LDLRAD3: variants seen among roughly 807,000 people sequenced by gnomAD.
The protein encoded by LDLRAD3 is low density lipoprotein receptor class A domain containing 3.
In LDLRAD3, 20 loss-of-function variants were observed where a neutral mutation model predicts 29.4. That is an observed-to-expected ratio of 0.68 (90% confidence interval 0.48 to 0.99). The LOEUF (loss-of-function observed/expected upper bound fraction) is 0.99. Among genes scored for constraint, LDLRAD3 ranks in the 50% least tolerant of loss-of-function variants. LDLRAD3 has a pLI of 0.00. For missense variants in LDLRAD3, 420 were observed against 454.3 expected (o/e 0.92, Z 0.69); for synonymous variants, 157 against 192.7 (o/e 0.81, Z 1.53).
At chr11:36,079,517 A>G (rs1853076272) in intron 2 of LDLRAD3, among the ~76,000 whole-genome samples, 1 of 152,184 alleles carries the variant, frequency 6.6e-6, no homozygotes, top group South Asian at 2.1e-4. Context: ...ATCACCTCCA[A>G]TTTACTGATA....
chr11:36,132,347 CTGTG>C (rs749983745), intron 4 of LDLRAD3, among the ~76,000 whole-genome samples: 1 of 151,862 alleles, frequency 6.6e-6, no homozygotes, highest in South Asian at 2.1e-4. Flanking sequence ...AAACGTGTGA[CTGTG>C]TGTGTGTGTA....
rs574878309 is a variant in LDLRAD3, at chr11:35,962,839, C to T, written c.46+18695C>T. 5.9e-5 allele frequency among the ~76,000 whole-genome samples: 9 copies of T among 152,138 alleles called. No homozygotes were observed. The South Asian group carries it at 8.3e-4, about 14-fold the overall frequency. ...TTCAGAACTCAACGTGGGTGGGGAA[C>T]GAAACAGAGGGTAAAAAGACTGGCT... On this transcript the variant is annotated intron_variant, in intron 1 of 5. Transcript: ENST00000315571.
rs529664779 is a variant in LDLRAD3, at chr11:36,116,243, C to G, written c.454+17782C>G. Among the ~76,000 whole-genome samples the G allele has an allele frequency of 2.2e-3, 328 of 152,336 alleles. 4 individuals are homozygous for G. The highest frequency in any genetic ancestry group is 3.7e-3 in the Non-Finnish European group (252 of 68,028). On this transcript the variant is annotated intron_variant, in intron 4 of 5. Transcript: ENST00000315571. ...TTCGAAAAACACCAAATTGAAGAAC[C>G]AGATGGGTTCCCCAGTGTACTCTGT...
chr11:35,984,752 C>T (rs547608569), intron 1 of LDLRAD3, among the ~76,000 whole-genome samples: 14 of 152,298 alleles, frequency 9.2e-5, no homozygotes, highest in African/African-American at 3.4e-4. Context: ...CTGCCTCAGC[C>T]TCCCGAGTAG....
At chr11:36,144,392 C>T (rs1854138036) in intron 4 of LDLRAD3, among the ~76,000 whole-genome samples, 1 of 141,022 alleles carries the variant, frequency 7.1e-6, no homozygotes, top group Admixed American at 7.0e-5. Flanking sequence ...GGCCGCCCAT[C>T]ATCTGGGATG....
intron 4 of LDLRAD3, among the ~76,000 whole-genome samples, chr11:36,180,800 C>A (rs973880201): frequency 6.6e-6 from 1 of 151,940 alleles, no homozygotes; most frequent in Non-Finnish European, 1.5e-5. Flanking sequence ...CCAGCGTGTG[C>A]CAATTGGTGT....
chr11:36,145,046 G>A (rs1361702755), intron 4 of LDLRAD3, among the ~76,000 whole-genome samples: 13 of 99,712 alleles, frequency 1.3e-4, no homozygotes, highest in East Asian at 4.5e-4. Context: ...CTGCCCGGCC[G>A]CCTCTACTGG....
At chr11:36,054,485 A>T (rs1411754592) in intron 2 of LDLRAD3, among the ~76,000 whole-genome samples, 1 of 152,260 alleles carries the variant, frequency 6.6e-6, no homozygotes, top group Non-Finnish European at 1.5e-5. Context: ...AACCTAGAGC[A>T]TGGGGTTTTA....
chr11:36,056,845 C>T (rs1346216416), intron 2 of LDLRAD3, among the ~76,000 whole-genome samples: 1 of 152,122 alleles, frequency 6.6e-6, no homozygotes, highest in Non-Finnish European at 1.5e-5. Context: ...GATACCTCTC[C>T]CTTCACTCCC....
chr11:36,144,848 G>A (rs1395497297), intron 4 of LDLRAD3, among the ~76,000 whole-genome samples: 1 of 114,334 alleles, frequency 8.7e-6, no homozygotes, highest in Non-Finnish European at 1.9e-5. Context: ...GTCCGGGAGG[G>A]AGGTGGGGGG....
chr11:36,089,883 A>T (rs978694012), intron 3 of LDLRAD3, among the ~76,000 whole-genome samples: 3 of 151,134 alleles, frequency 2.0e-5, no homozygotes, highest in African/African-American at 7.3e-5. Context: ...AAGTGCTGGG[A>T]CTACAGGCTT....
At chr11:35,988,648 A>G (rs1255868896) in intron 1 of LDLRAD3, among the ~76,000 whole-genome samples, 1 of 149,544 alleles carries the variant, frequency 6.7e-6, no homozygotes, top group East Asian at 2.0e-4. Context: ...CAGTGGTGCG[A>G]TCTTGGCCCA....
At position 36,055,955 on chromosome 11, in the gene LDLRAD3, T is replaced by G. The variant is rs910277243; in HGVS notation, c.193+19706T>G. ...AAATGGTAGAGACTCTAAGTGAGCA[T>G]GTAGTGTAGGGGTTCTGGGGTCAGA... On this transcript the variant is annotated intron_variant, in intron 2 of 5. Transcript: ENST00000315571. Among the ~76,000 whole-genome samples, 7 of 150,364 alleles carry G rather than the reference T, an allele frequency of 4.7e-5. No homozygotes were observed. In the South Asian group the frequency reaches 1.1e-3, roughly 23 times the overall value.
intron 1 of LDLRAD3, among the ~76,000 whole-genome samples, chr11:36,027,337 C>T (rs1852180353): frequency 6.6e-6 from 1 of 152,170 alleles, no homozygotes; most frequent in Non-Finnish European, 1.5e-5. Flanking sequence ...TACTGGGCTG[C>T]TTGTATTTTC....
intron 4 of LDLRAD3, among the ~76,000 whole-genome samples, chr11:36,148,888 G>C (rs1264141499): frequency 6.6e-6 from 1 of 152,206 alleles, no homozygotes; most frequent in Non-Finnish European, 1.5e-5. Context: ...CAGTTTGAAG[G>C]TTTTGTAACA....
intron 2 of LDLRAD3, among the ~76,000 whole-genome samples, chr11:36,071,547 A>G (rs960994168): frequency 2.0e-5 from 3 of 152,368 alleles, no homozygotes; most frequent in Middle Eastern, 3.4e-3. Flanking sequence ...ATTAAAAATG[A>G]TGATGTGTAC....
intron 4 of LDLRAD3, among the ~76,000 whole-genome samples, chr11:36,223,991 A>G (rs1855464334): frequency 6.6e-6 from 1 of 151,456 alleles, no homozygotes; most frequent in Non-Finnish European, 1.5e-5. Context: ...AATAATGTGT[A>G]TGAATGTTAA....
Position 35,968,360 on chromosome 11 carries a change from G to A in LDLRAD3, c.46+24216G>A, listed in dbSNP as rs555031983. On this transcript the variant is annotated intron_variant, in intron 1 of 5. Transcript: ENST00000315571. ...TTGGAGAAATAACGTCTGGCTCAGCGGGCTTTTGGGAGTAGAGGGGCTGGC... is the reference window on the plus strand; with the variant it reads ...TTGGAGAAATAACGTCTGGCTCAGCAGGCTTTTGGGAGTAGAGGGGCTGGC... 41 of 363,794 alleles carry A rather than the reference G, an allele frequency of 1.1e-4. 1 individual carries two copies. The highest frequency in any genetic ancestry group is 7.6e-4 in the South Asian group (28 of 36,992). 22.5% of individuals were successfully genotyped at this position (363,794 alleles called of 1,614,324 possible).
At chr11:36,076,232 C>G (rs1183386921) in intron 2 of LDLRAD3, among the ~76,000 whole-genome samples, 1 of 151,736 alleles carries the variant, frequency 6.6e-6, no homozygotes, top group Non-Finnish European at 1.5e-5. Flanking sequence ...GTCCATCCAT[C>G]CATCCATCCA....
Sources: allele counts gnomAD v4.1 joint callset (sites outside exome capture counted in the v4.1 genomes callset), GRCh38; gene constraint gnomAD v4.1.1; transcripts MANE v1.5; gene names NCBI Gene and HGNC (gene_info 2026-07-23, HGNC 2026-07-21).